Variants in PNKD observed in about 807,000 individuals in gnomAD.
PNKD encodes PNKD metallo-beta-lactamase domain containing, also known as probable thioesterase PNKD.
Under a neutral mutation model 45.3 loss-of-function variants are expected in PNKD, and 36 were observed. That is an observed-to-expected ratio of 0.80 (90% confidence interval 0.61 to 1.05). The LOEUF is 1.05. Among genes scored for constraint, PNKD ranks in the 50% least tolerant of loss-of-function variants. PNKD has a pLI of 0.00. For missense variants in PNKD, 511 were observed against 506.6 expected, an observed-to-expected ratio of 1.01 and a Z score of -0.08; for synonymous variants, 197 against 210.1, an observed-to-expected ratio of 0.94 and a Z score of 0.54.
chr2:218,342,525 C>T (rs1305715961), intron 7 of PNKD, among the ~76,000 whole-genome samples: 1 of 151,918 alleles, frequency 6.6e-6, no homozygotes, highest in East Asian at 1.9e-4. Context: ...CATGGTGAAA[C>T]CCCGTCTCTA....
At chr2:218,291,061 A>G (rs1692898059) in intron 2 of PNKD, among the ~76,000 whole-genome samples, 1 of 152,160 alleles carries the variant, frequency 6.6e-6, no homozygotes, top group Admixed American at 6.5e-5. Context: ...GCTCTGAGGT[A>G]GACAGCGTCT....
intron 2 of PNKD, among the ~76,000 whole-genome samples, chr2:218,283,479 T>C (rs1692230764): frequency 6.6e-6 from 1 of 152,104 alleles, no homozygotes; most frequent in Non-Finnish European, 1.5e-5. Context: ...AGAGGGCCCC[T>C]GCATCCCCAG....
chr2:218,344,953 G>A lies in PNKD; in HGVS notation c.1130G>A (p.Arg377Gln), dbSNP rs148141539. 13 of 1,613,744 alleles carry A rather than the reference G, an allele frequency of 8.1e-6. No homozygotes were observed. The highest frequency in any genetic ancestry group is 3.3e-5 in the Admixed American group (2 of 59,988). The change falls in exon 10 of 10, where the codon CGG (arginine) becomes CAG (glutamine). Residue 377 changes from arginine to glutamine, a missense_variant. Physicochemically the swap from Arg to Gln is conservative, Grantham distance 43. Coordinates refer to ENST00000273077, the MANE Select transcript of PNKD (RefSeq NM_015488.5). ...GCCCAGCTCCTGGAAGAGCTCCGCC[G>A]GCTGAAGGATATGCACAAGAGCAAG... is the stretch of plus-strand genomic sequence containing the variant. ...SRAQLLEELRRLKDMHKSK is the reference protein window; with the variant it reads ...SRAQLLEELRQLKDMHKSK
At position 218,345,028 on chromosome 2, in the gene PNKD, G is replaced by A. The variant is rs922368219; in HGVS notation, c.*47G>A. The stretch of plus-strand genomic sequence containing the variant: ...AGCCCACTCCCCGCATGGGGAGGCC[G>A]CCACCACCAACACCTCATCATCCTT... On this transcript the variant is annotated 3_prime_UTR_variant, in exon 10 of 10. Coordinates refer to ENST00000273077, the MANE Select transcript of PNKD (RefSeq NM_015488.5). 1.1e-5 allele frequency: 16 copies of A among 1,460,050 alleles called. No homozygotes were observed. Among genetic ancestry groups the A allele is most frequent in the Middle Eastern group, 4.5e-4 (2 of 4,474 alleles). 90.4% of individuals were successfully genotyped at this position (1,460,050 alleles called of 1,614,324 possible).
intron 8 of PNKD, 97 bp downstream of exon 8, chr2:218,343,683 C>CTGGGCTGG: frequency 1.1e-6 from 1 of 909,960 alleles, no homozygotes; most frequent in Non-Finnish European, 1.8e-6. Context: ...AGCAGGCCAG[C>CTGGGCTGG]CCAGTTCCTG....
chr2:218,304,253 T>A (rs1160954736), intron 2 of PNKD, among the ~76,000 whole-genome samples: 1 of 151,036 alleles, frequency 6.6e-6, no homozygotes, highest in Non-Finnish European at 1.5e-5. Flanking sequence ...TTCAAGCGAT[T>A]CTCCTGCCTC....
chr2:218,323,327 C>T, intron 2 of PNKD: 3 of 1,571,920 alleles, frequency 1.9e-6, no homozygotes, highest in Non-Finnish European at 2.6e-6. Context: ...GGCTCCTCCT[C>T]GTCCTTGTCC....
intron 2 of PNKD, chr2:218,276,932 C>T (rs1213785684): frequency 3.0e-5 from 40 of 1,340,856 alleles, no homozygotes; most frequent in African/African-American, 4.3e-5. Flanking sequence ...TTGGGGCCTG[C>T]GAGACCATGC....
At chr2:218,270,964 T>A in intron 1 of PNKD, 3 of 320,472 alleles carry the variant, frequency 9.4e-6, no homozygotes, top group Non-Finnish European at 1.7e-5. Context: ...AGTTTTTCTC[T>A]CAGGGCTTCA....
intron 2 of PNKD, among the ~76,000 whole-genome samples, chr2:218,302,047 C>T (rs2106252455): frequency 6.6e-6 from 1 of 152,238 alleles, no homozygotes; most frequent in East Asian, 1.9e-4. Flanking sequence ...TGACTCAGTG[C>T]CCTAAAAGAG....
chr2:218,276,746 C>A (rs1691252546), intron 2 of PNKD, among the ~76,000 whole-genome samples: 1 of 152,176 alleles, frequency 6.6e-6, no homozygotes, highest in South Asian at 2.1e-4. Flanking sequence ...CAGATTGAAC[C>A]CACCCCTTCC....
chr2:218,290,744 T>A (rs1389375941), intron 2 of PNKD, among the ~76,000 whole-genome samples: 2 of 152,236 alleles, frequency 1.3e-5, no homozygotes, highest in Non-Finnish European at 2.9e-5. Context: ...CTGTAGCCTG[T>A]CGACTTCTGG....
At chr2:218,281,925 C>T in intron 2 of PNKD, 4 of 1,576,520 alleles carry the variant, frequency 2.5e-6, no homozygotes, top group Non-Finnish European at 3.4e-6. Flanking sequence ...TTCCATCTGC[C>T]CTTCCAGGAC....
chr2:218,282,172 C>A, intron 2 of PNKD: 1 of 1,432,536 alleles, frequency 7.0e-7, no homozygotes. Flanking sequence ...GGAACCCCAG[C>A]TGCTGGGACC....
chr2:218,277,738 G>A lies in PNKD; in HGVS notation c.236+6189G>A. ...AGGAAGGCAGGGTGCTGGGGGAGTG[G>A]CCATGGTGGCCTCTGCCAGAGCTGG... On this transcript the variant is annotated intron_variant, in intron 2 of 9. Transcript: ENST00000273077. 4 of 1,597,756 alleles carry A rather than the reference G, an allele frequency of 2.5e-6. No individual in the cohort carries two copies. In the South Asian group the frequency reaches 3.3e-5, roughly 13 times the overall value.
rs1694095166 is a variant in PNKD at position 218,324,744 on chromosome 2, G to T, written c.237-15039G>T. Among the ~76,000 whole-genome samples the T allele has an allele frequency of 2.0e-5, 3 of 151,828 alleles. No individual in the cohort carries two copies. The South Asian group carries it at 6.2e-4, about 32-fold the overall frequency. The stretch of plus-strand genomic sequence containing the variant: ...GAGGTCAGGAATTCGAGACCAGCCT[G>T]GCCAACATGGTGAAACGCCATCTCT... On this transcript the variant is annotated intron_variant, in intron 2 of 9. Transcript: ENST00000273077.
chr2:218,313,794 C>T (rs1284380068), intron 2 of PNKD, among the ~76,000 whole-genome samples: 2 of 152,016 alleles, frequency 1.3e-5, no homozygotes, highest in Non-Finnish European at 2.9e-5. Flanking sequence ...TGTATGAATA[C>T]TCAACTTCCC....
chr2:218,270,697 C>T (rs1348730113), intron 1 of PNKD, 95 bp downstream of exon 1: 1 of 434,532 alleles, frequency 2.3e-6, no homozygotes, highest in Non-Finnish European at 4.1e-6. Flanking sequence ...GCTCTTGGTT[C>T]CTCCCCACAC....
intron 2 of PNKD, chr2:218,275,305 AC>A: frequency 1.3e-6 from 1 of 797,920 alleles, no homozygotes; most frequent in Non-Finnish European, 1.8e-6. Context: ...CCCACCAAGT[AC>A]CCACACATCC....
Sources: gnomAD v4.1 joint callset for allele counts (sites outside exome capture counted in the v4.1 genomes callset) on GRCh38, gnomAD v4.1.1 for gene constraint, MANE v1.5 for transcripts, NCBI Gene and HGNC (gene_info 2026-07-23, HGNC 2026-07-21) for gene names.